CCDC171: variants seen among roughly 807,000 people sequenced by gnomAD.
The protein encoded by CCDC171 is coiled-coil domain containing 171.
CCDC171 carries 177 observed loss-of-function variants against 168.2 expected under a neutral mutation model. The ratio of observed to expected loss-of-function variants is 1.05; its 90% confidence interval spans 0.93 to 1.19. The LOEUF (loss-of-function observed/expected upper bound fraction) is 1.19. Among genes scored for constraint, CCDC171 ranks in the 50% most tolerant of loss-of-function variants. The probability of loss-of-function intolerance (pLI) is 0.00; values close to 1 mark genes in which losing one functional copy is unlikely to be tolerated. For synonymous variants in CCDC171, 687 were observed against 540.8 expected, an observed-to-expected ratio of 1.27 and a Z score of -3.75; for missense variants, 1,991 against 1,539.0, an observed-to-expected ratio of 1.29 and a Z score of -4.91.
At chr9:15,661,972 T>G (rs1025632847) in intron 8 of CCDC171, among the ~76,000 whole-genome samples, 6 of 152,292 alleles carry the variant, frequency 3.9e-5, no homozygotes, top group African/African-American at 1.4e-4. Flanking sequence ...CTCCCTTAGT[T>G]TAGTATAAGA....
intron 11 of CCDC171, among the ~76,000 whole-genome samples, chr9:15,709,777 A>G (rs1198567649): frequency 6.6e-6 from 1 of 152,190 alleles, no homozygotes; most frequent in Non-Finnish European, 1.5e-5. Context: ...AGTTTACTTC[A>G]AAAAAGATAA....
chr9:15,665,884 C>G (rs538956426), intron 8 of CCDC171, among the ~76,000 whole-genome samples: 2 of 152,272 alleles, frequency 1.3e-5, no homozygotes, highest in Non-Finnish European at 2.9e-5. Context: ...TGAGTTGTAT[C>G]TACATATCTA....
intron 7 of CCDC171, among the ~76,000 whole-genome samples, chr9:15,639,370 C>G (rs982943213): frequency 6.6e-6 from 1 of 151,888 alleles, no homozygotes; most frequent in African/African-American, 2.4e-5. Flanking sequence ...GGTAAATACT[C>G]AAGTTTTTTT....
intron 18 of CCDC171, among the ~76,000 whole-genome samples, chr9:15,771,353 AT>A (rs2057002843): frequency 6.6e-6 from 1 of 152,170 alleles, no homozygotes; most frequent in African/African-American, 2.4e-5. Context: ...GGCATGCAAA[AT>A]TTTGATAATC....
chr9:15,848,811 A>G (rs2061006758), intron 22 of CCDC171, 82 bp from the exon 23 acceptor site: 5 of 682,378 alleles, frequency 7.3e-6, no homozygotes, highest in South Asian at 2.1e-5. Flanking sequence ...TTATTTTTTA[A>G]TACCAGTGAC....
At chr9:15,602,467 C>T (rs1477918188) in intron 6 of CCDC171, among the ~76,000 whole-genome samples, 4 of 151,948 alleles carry the variant, frequency 2.6e-5, no homozygotes, top group Non-Finnish European at 4.4e-5. Context: ...CTTTAGAATT[C>T]AGACCCACCA....
At chr9:15,771,316 C>T (rs1430970458) in intron 18 of CCDC171, among the ~76,000 whole-genome samples, 1 of 152,112 alleles carries the variant, frequency 6.6e-6, no homozygotes, top group South Asian at 2.1e-4. Context: ...ACAGTGTTGA[C>T]CGTTCTGGTT....
At chr9:15,585,705 C>T (rs933222115) in intron 4 of CCDC171, among the ~76,000 whole-genome samples, 1 of 152,110 alleles carries the variant, frequency 6.6e-6, no homozygotes, top group East Asian at 1.9e-4. Context: ...TCTCTTTGAA[C>T]ATTGGCTCAC....
intron 4 of CCDC171, among the ~76,000 whole-genome samples, chr9:15,586,063 A>T (rs1459628060): frequency 1.3e-5 from 2 of 152,180 alleles, no homozygotes; most frequent in African/African-American, 2.4e-5. Flanking sequence ...AAAAAATAAA[A>T]CTATATTACA....
intron 7 of CCDC171, among the ~76,000 whole-genome samples, chr9:15,654,236 T>C (rs1376503098): frequency 6.6e-6 from 1 of 152,110 alleles, no homozygotes; most frequent in Non-Finnish European, 1.5e-5. Context: ...TCTAGTATAA[T>C]AGCTCATTAA....
intron 7 of CCDC171, among the ~76,000 whole-genome samples, chr9:15,628,479 G>T (rs941451706): frequency 1.1e-4 from 17 of 152,204 alleles, no homozygotes; most frequent in African/African-American, 4.1e-4. Flanking sequence ...CTAGGGGAGG[G>T]GCGGCTGCCA....
At chr9:15,681,335 G>T (rs1313294077) in intron 10 of CCDC171, among the ~76,000 whole-genome samples, 1 of 152,140 alleles carries the variant, frequency 6.6e-6, no homozygotes, top group Non-Finnish European at 1.5e-5. Context: ...CAGATTAAGT[G>T]ATGTACAGTT....
At chr9:15,804,957 T>G (rs1011004301) in intron 21 of CCDC171, among the ~76,000 whole-genome samples, 3 of 152,162 alleles carry the variant, frequency 2.0e-5, no homozygotes, top group Non-Finnish European at 4.4e-5. Context: ...ATTCAGGGAT[T>G]CAATTTCTTC....
At chr9:15,626,232 T>C (rs2045090953) in intron 7 of CCDC171, among the ~76,000 whole-genome samples, 2 of 152,208 alleles carry the variant, frequency 1.3e-5, no homozygotes, top group Non-Finnish European at 2.9e-5. Flanking sequence ...CGATGGGGTT[T>C]TCTAAATATA....
chr9:15,865,248 T>C (rs1358974753), intron 23 of CCDC171, among the ~76,000 whole-genome samples: 1 of 152,078 alleles, frequency 6.6e-6, no homozygotes, highest in East Asian at 1.9e-4. Context: ...ACAACATTTA[T>C]AATAATTAAA....
intron 21 of CCDC171, among the ~76,000 whole-genome samples, chr9:15,806,731 G>A (rs2059097955): frequency 6.6e-6 from 1 of 151,562 alleles, no homozygotes; most frequent in Non-Finnish European, 1.5e-5. Flanking sequence ...AATCTTGCAG[G>A]GGTTCTCTGT....
rs1262778399 is a variant in CCDC171 at position 15,821,063 on chromosome 9, T to G, written c.3268-25639T>G. Among the ~76,000 whole-genome samples the G allele has an allele frequency of 1.7e-5, 2 of 117,182 alleles. 1 individual carries two copies. Among genetic ancestry groups the G allele is most frequent in the African/African-American group, 6.4e-5 (2 of 31,104 alleles). The allele number at this position is 117,182 out of a possible 152,430, so 76.9% of individuals were successfully genotyped here. On this transcript the variant is annotated intron_variant, in intron 21 of 25. Transcript: ENST00000380701. ...AAATCAATAAACATAATCCAGCATATAAACAGACCCAAAGACAAAAATCAC... is the reference window on the plus strand; with the variant it reads ...AAATCAATAAACATAATCCAGCATAGAAACAGACCCAAAGACAAAAATCAC...
At chr9:15,837,566 A>G (rs1224559301) in intron 21 of CCDC171, among the ~76,000 whole-genome samples, 1 of 152,230 alleles carries the variant, frequency 6.6e-6, no homozygotes, top group East Asian at 1.9e-4. Context: ...AGGGGTTTTC[A>G]TAAGCACAAT....
chr9:15,890,984 CTCTT>C (rs772152275), intron 24 of CCDC171, among the ~76,000 whole-genome samples: 1 of 152,250 alleles, frequency 6.6e-6, no homozygotes, highest in East Asian at 1.9e-4. Context: ...AATATTTTCT[CTCTT>C]TCTCTCTTTG....
Sources: allele counts gnomAD v4.1 joint callset (sites outside exome capture counted in the v4.1 genomes callset), GRCh38; gene constraint gnomAD v4.1.1; transcripts MANE v1.5; gene names NCBI Gene and HGNC (gene_info 2026-07-23, HGNC 2026-07-21).